ZBTB4: variants seen among roughly 807,000 people sequenced by gnomAD.
ZBTB4 encodes the protein zinc finger and BTB domain containing 4, also known as zinc finger and BTB domain-containing protein 4.
A neutral mutation model predicts 59.8 loss-of-function variants in ZBTB4; 14 were observed. That is an observed-to-expected ratio of 0.23 (90% CI 0.15 to 0.37). ZBTB4 has a LOEUF of 0.37. Ranked by LOEUF, ZBTB4 falls within the 10% of genes least tolerant of loss-of-function variation. The probability of loss-of-function intolerance (pLI) is 1.00; values close to 1 mark genes in which losing one functional copy is unlikely to be tolerated. For missense variants in ZBTB4, 1,198 were observed against 1,380.8 expected (o/e 0.87, Z 2.10); for synonymous variants, 587 against 575.2 (o/e 1.02, Z -0.29).
At chr17:7,469,207 C>T (rs902556515) in intron 1 of ZBTB4, among the ~76,000 whole-genome samples, 3 of 152,144 alleles carry the variant, frequency 2.0e-5, no homozygotes, top group African/African-American at 7.2e-5. Context: ...TCGCTCTGCG[C>T]CCAGACTGGA....
At position 7,466,689 on chromosome 17, in the gene ZBTB4, T is replaced by C; in HGVS notation, c.113A>G (p.Asp38Gly). Reference sequence around the variant, plus strand: ...GCTGCGGTGAGCAGGGAACTTGGTGTCTCCGGCTATGAGGGTGACGTCACA... The same window carrying C: ...GCTGCGGTGAGCAGGGAACTTGGTGCCTCCGGCTATGAGGGTGACGTCACA... ...LFCDVTLIAG[D>G]TKFPAHRSVL... Residue 38 changes from aspartate (D) to glycine (G), a missense_variant, in exon 3 of 4, where the codon GAC (aspartate) becomes GGC (glycine). By Grantham distance (94) the Asp-to-Gly change is moderately conservative (BLOSUM62 -1). Coordinates refer to ENST00000380599, the MANE Select transcript of ZBTB4 (RefSeq NM_001128833.2). The surrounding 1 kb of genome is among the most constrained non-coding windows in gnomAD (Gnocchi z 9.1). 1 of 1,610,918 alleles carries C rather than the reference T, an allele frequency of 6.2e-7. No homozygotes were observed. Among genetic ancestry groups the C allele is most frequent in the Non-Finnish European group, 8.5e-7 (1 of 1,179,090 alleles).
At chr17:7,467,219 A>G in intron 2 of ZBTB4, 38 bp downstream of exon 2, 1 of 1,014,122 alleles carries the variant, frequency 9.9e-7, no homozygotes, top group Non-Finnish European at 1.2e-6. Context: ...CCTTGGGTCT[A>G]CTTTGTCCTC....
At chr17:7,481,525 T>C, upstream of ZBTB4, 1 of 1,556,266 alleles carries the variant, frequency 6.4e-7, no homozygotes, top group Non-Finnish European at 8.7e-7. Flanking sequence ...AGATGGTGAG[T>C]GTGGGGGCCA....
At chr17:7,480,034 G>C (rs1398654439), upstream of ZBTB4, among the ~76,000 whole-genome samples, 1 of 152,006 alleles carries the variant, frequency 6.6e-6, no homozygotes, top group African/African-American at 2.4e-5. Flanking sequence ...CACAGACCCA[G>C]GGTCGGCACA....
chr17:7,483,866 T>C (rs2070378821), upstream of ZBTB4: 1 of 152,368 alleles, frequency 6.6e-6, no homozygotes, highest in African/African-American at 2.4e-5. Context: ...CGGGGGCCGT[T>C]TGACAAACAT....
intron 1 of ZBTB4, among the ~76,000 whole-genome samples, chr17:7,469,294 G>A (rs2070167548): frequency 6.6e-6 from 1 of 152,168 alleles, no homozygotes; most frequent in Non-Finnish European, 1.5e-5. Context: ...AGCTTCTTGA[G>A]TAGCTGGGAT....
At chr17:7,473,246 G>A (rs1171937062) in intron 1 of ZBTB4, among the ~76,000 whole-genome samples, 1 of 151,690 alleles carries the variant, frequency 6.6e-6, no homozygotes, top group East Asian at 1.9e-4. Flanking sequence ...CGGAGTAGCT[G>A]GGACTACAGG....
chr17:7,471,836 A>C (rs1485453522), intron 1 of ZBTB4, among the ~76,000 whole-genome samples: 1 of 152,226 alleles, frequency 6.6e-6, no homozygotes, highest in Admixed American at 6.5e-5. Flanking sequence ...GGGGAGAAGT[A>C]GTGAAGAAAA....
upstream of ZBTB4, chr17:7,482,317 C>T (rs754239052): frequency 1.2e-5 from 19 of 1,613,934 alleles, 1 homozygote; most frequent in South Asian, 1.6e-4. Context: ...CCCTGCTCAA[C>T]GTCCTCAGCA....
rs1009710684 is a variant in ZBTB4, at chr17:7,467,327, T to G, written c.-80A>C. 2.3e-6 allele frequency: 2 copies of G among 879,158 alleles called. No individual in the cohort carries two copies. Among genetic ancestry groups the G allele is most frequent in the Non-Finnish European group, 2.7e-6 (2 of 732,334 alleles). 54.5% of individuals were successfully genotyped at this position (879,158 alleles called of 1,614,324 possible). ...AGTCCCTTCTGCTGGGCCTCTTCCT[T>G]CTGCGGAGAAACAGAAATTATGTCA... On this transcript the variant is annotated splice_region_variant and 5_prime_UTR_variant, in exon 2 of 4. Coordinates refer to ENST00000380599, the MANE Select transcript of ZBTB4 (RefSeq NM_001128833.2).
chr17:7,466,110 C>A lies in ZBTB4; in HGVS notation c.692G>T (p.Arg231Leu). ...ACACTGGGGGCAGGGGAGGGGCCGC[C>A]GGGGCAGGGAGCACTGCAAGTCAGG... ...QAPDLQCSLPRRPLPCPQCGK... is the reference protein window; with the variant it reads ...QAPDLQCSLPLRPLPCPQCGK... Residue 231 changes from arginine (R) to leucine (L), a missense_variant, in exon 3 of 4, where the codon CGG becomes CTG. Arg to Leu is a moderately radical substitution (Grantham distance 102). Transcript: ENST00000380599. The surrounding 1 kb of genome is among the most constrained non-coding windows in gnomAD (Gnocchi z 9.1). 1 of 1,606,166 alleles carries A rather than the reference C, an allele frequency of 6.2e-7. No homozygotes were observed. The highest frequency in any genetic ancestry group is 1.1e-5 in the South Asian group (1 of 90,678).
At chr17:7,467,535 C>T (rs369503253) in intron 1 of ZBTB4, among the ~76,000 whole-genome samples, 38 of 152,274 alleles carry the variant, frequency 2.5e-4, no homozygotes, top group African/African-American at 8.9e-4. Context: ...TGGGAGGTCA[C>T]GCAGATTATT....
At chr17:7,482,577 T>A (rs1447441155), upstream of ZBTB4, 4 of 1,612,196 alleles carry the variant, frequency 2.5e-6, no homozygotes, top group African/African-American at 5.3e-5. Context: ...CAGGCTTTCG[T>A]GGGAGGACTG....
At position 7,466,168 on chromosome 17, in the gene ZBTB4, C is replaced by T; in HGVS notation, c.634G>A (p.Glu212Lys). Residue 212 changes from glutamate (E) to lysine (K), a missense_variant, in exon 3 of 4, where the codon GAG becomes AAG. Coordinates refer to ENST00000380599, the MANE Select transcript of ZBTB4 (RefSeq NM_001128833.2). This position sits in a 1 kb window ranked among gnomAD's most constrained non-coding sequence, Gnocchi z 9.1. ...SFGPGPRPAG[E>K]WEGDRAEAQA... ...GCCTCAGCCCTGTCACCCTCCCACT[C>T]CCCAGCTGGCCTGGGCCCGGGCCCA... 6.2e-7 allele frequency: 1 copy of T among 1,613,090 alleles called. No individual in the cohort carries two copies. Among genetic ancestry groups the T allele is most frequent in the Admixed American group, 1.7e-5 (1 of 60,024 alleles).
rs764193466 is a variant in ZBTB4, at chr17:7,466,511, A to G, written c.291T>C (p.Ser97=). Residue 97 remains serine, a synonymous_variant, in exon 3 of 4, where the codon TCT becomes TCC. Transcript: ENST00000380599. The surrounding 1 kb of genome is among the most constrained non-coding windows in gnomAD (Gnocchi z 9.1). ...AAGAAGAAGAAGAAGCAGAGGAGGA[A>G]GAAGAGGAAGAAGACGAGGAAGAGG... The part of the protein sequence containing the change: ...SSSSSSSSSS[S]SSSASSSSSS... 1.2e-6 allele frequency: 2 copies of G among 1,609,770 alleles called. No individual in the cohort carries two copies. The highest frequency in any genetic ancestry group is 2.2e-5 in the South Asian group (2 of 90,528).
At position 7,466,233 on chromosome 17, in the gene ZBTB4, G is replaced by A. The variant is rs746387963; in HGVS notation, c.569C>T (p.Pro190Leu). The A allele has an allele frequency of 6.2e-7, 1 of 1,613,442 alleles. No homozygotes were observed. Among genetic ancestry groups the A allele is most frequent in the Non-Finnish European group, 8.5e-7 (1 of 1,179,842 alleles). ...AGGCTGCGAGGTGGCCATGGGGGCT[G>A]GGGTAGGAGGTACCCAGGCATCACC... Reference protein sequence around the residue: ...EGGDAWVPPTPAPMATSQPEE... With the variant: ...EGGDAWVPPTLAPMATSQPEE... Residue 190 changes from proline to leucine, a missense_variant, in exon 3 of 4, where the codon CCA becomes CTA. Physicochemically the swap from Pro to Leu is moderately conservative, Grantham distance 98. Transcript: ENST00000380599. The surrounding 1 kb of genome is among the most constrained non-coding windows in gnomAD (Gnocchi z 9.1).
At position 7,469,754 on chromosome 17, in the gene ZBTB4, G is replaced by A. The variant is rs146753893; in HGVS notation, c.-80-2427C>T. Among the ~76,000 whole-genome samples the A allele has an allele frequency of 5.7e-3, 849 of 148,982 alleles. 5 individuals carry two copies. Among genetic ancestry groups the A allele is most frequent in the African/African-American group, 0.019 (784 of 40,556 alleles). On this transcript the variant is annotated intron_variant, in intron 1 of 3. Transcript: ENST00000380599. Reference sequence around the variant, plus strand: ...GGAGATCAATCCAGGCTGGGTGACAGAGTGAGACTCTGTCTCAAAAAATAA... The same window carrying A: ...GGAGATCAATCCAGGCTGGGTGACAAAGTGAGACTCTGTCTCAAAAAATAA...
At chr17:7,477,860 C>T (rs1261776926) in intron 1 of ZBTB4, among the ~76,000 whole-genome samples, 2 of 152,130 alleles carry the variant, frequency 1.3e-5, no homozygotes, top group South Asian at 2.1e-4. Flanking sequence ...CCCTTGTGGC[C>T]GCCCAGCCTC....
At chr17:7,476,374 G>A (rs2070269649) in intron 1 of ZBTB4, among the ~76,000 whole-genome samples, 2 of 152,174 alleles carry the variant, frequency 1.3e-5, no homozygotes, top group Non-Finnish European at 2.9e-5. Flanking sequence ...TGAGCCAGGC[G>A]TGATGGCAGA....
Sources: gnomAD v4.1 joint callset for allele counts (sites outside exome capture counted in the v4.1 genomes callset) on GRCh38, gnomAD v4.1.1 for gene constraint, Gnocchi (gnomAD v3.1) non-coding constraint, MANE v1.5 for transcripts, NCBI Gene and HGNC (gene_info 2026-07-23, HGNC 2026-07-21) for gene names.